Variants in ZFHX3 observed in about 807,000 individuals in gnomAD.
ZFHX3 encodes the protein zinc finger homeobox protein 3.
In ZFHX3, 42 loss-of-function variants were observed where a neutral mutation model predicts 279.1. The observed-to-expected ratio is 0.15, with a 90% CI of 0.12 to 0.19. ZFHX3 has a LOEUF of 0.19. Among genes scored for constraint, ZFHX3 ranks in the 10% least tolerant of loss-of-function variants. The pLI is 1.00. For synonymous variants in ZFHX3, 2,293 were observed against 1,957.8 expected (o/e 1.17, Z -4.52); for missense variants, 4,981 against 4,754.0 (o/e 1.05, Z -1.40).
At chr16:73,009,610 A>AG (rs1963840563) in intron 1 of ZFHX3, among the ~76,000 whole-genome samples, 1 of 152,228 alleles carries the variant, frequency 6.6e-6, no homozygotes, top group Non-Finnish European at 1.5e-5. Context: ...TACCAAACTT[A>AG]GGCATTCAGA....
At chr16:73,267,363 C>T (rs1278207447) in intron 4 of ZFHX3, among the ~76,000 whole-genome samples, 1 of 152,114 alleles carries the variant, frequency 6.6e-6, no homozygotes, top group Non-Finnish European at 1.5e-5. Flanking sequence ...CCACCCCCAA[C>T]TATGATGGAA....
At chr16:73,439,660 A>G (rs1023998814) in intron 3 of ZFHX3, among the ~76,000 whole-genome samples, 4 of 152,032 alleles carry the variant, frequency 2.6e-5, no homozygotes, top group African/African-American at 9.7e-5. Context: ...CTCCTGGAAA[A>G]TGGAGGCTGT....
At chr16:72,789,225 TGTATTCTAATGAA>T (rs1369348194) in intron 9 of ZFHX3, 1 of 182,370 alleles carries the variant, frequency 5.5e-6, no homozygotes, top group East Asian at 1.4e-4. Flanking sequence ...TGGACAACCT[TGTATTCTAATGAA>T]GATTCAGTCC....
intron 3 of ZFHX3, among the ~76,000 whole-genome samples, chr16:73,434,224 G>A (rs1230677439): frequency 1.4e-5 from 2 of 146,640 alleles, no homozygotes; most frequent in East Asian, 4.1e-4. Flanking sequence ...TTGAAAATAT[G>A]TGCTGCGACA....
intron 1 of ZFHX3, among the ~76,000 whole-genome samples, chr16:73,857,480 T>C (rs1961764771): frequency 6.6e-6 from 1 of 152,188 alleles, no homozygotes; most frequent in South Asian, 2.1e-4. Context: ...AGACTACAGT[T>C]TCCCCTTTGT....
rs1324024632 is a variant in ZFHX3 at position 72,783,133 on chromosome 16, A to AAAAC, written c.*4027_*4030dup. ...AAAGCTAACAAGACTACATTATAGA[A>AAAAC]AAACACCAAGAACATCATTTTTGGT... On this transcript the variant is annotated 3_prime_UTR_variant, in exon 10 of 10. Transcript: ENST00000268489. 1.3e-5 allele frequency: 2 copies of AAAAC among 152,598 alleles called. No homozygotes were observed. The highest frequency in any genetic ancestry group is 4.8e-5 in the African/African-American group (2 of 41,438). 9.5% of individuals were successfully genotyped at this position (152,598 alleles called of 1,614,324 possible). A position where few individuals can be genotyped will look rare whatever the true frequency, so the allele number is the denominator to read the frequency against.
chr16:73,648,040 G>A (rs1050923829), intron 2 of ZFHX3, among the ~76,000 whole-genome samples: 19 of 152,174 alleles, frequency 1.2e-4, no homozygotes, highest in Non-Finnish European at 1.0e-4. Context: ...ATGCACTGTT[G>A]ATGAGAATGT....
At chr16:73,573,339 G>C (rs1033548760) in intron 2 of ZFHX3, among the ~76,000 whole-genome samples, 2 of 152,154 alleles carry the variant, frequency 1.3e-5, no homozygotes, top group Non-Finnish European at 2.9e-5. Flanking sequence ...GAACTTCTTG[G>C]TGATGGTCAA....
Position 72,794,590 on chromosome 16 carries a change from T to C in ZFHX3, c.8092A>G (p.Lys2698Glu), listed in dbSNP as rs750087200. The C allele has an allele frequency of 6.2e-7, 1 of 1,614,190 alleles. No individual in the cohort carries two copies. The change falls in exon 9 of 10, where the codon AAA becomes GAA. Residue 2698 changes from lysine (K) to glutamate (E), a missense_variant. By Grantham distance (56) the Lys-to-Glu change is moderately conservative (BLOSUM62 1). Around this residue, in one of 7 missense-constraint regions of ZFHX3, gnomAD observed 744 missense variants for 701.3 expected, o/e 1.06. Transcript: ENST00000268489. This position sits in a 1 kb window ranked among gnomAD's most constrained non-coding sequence, Gnocchi z 4.2. The stretch of plus-strand genomic sequence containing the variant: ...GGGCCTACAGCCCGGAACTGTCCTT[T>C]CCTTTCCCGAGCTCGGGTGTTCTGA... ...WFQNTRARER[K>E]GQFRAVGPAQ...
chr16:73,088,499 T>C (rs1224691256), intron 8 of ZFHX3, among the ~76,000 whole-genome samples: 2 of 152,314 alleles, frequency 1.3e-5, no homozygotes, highest in African/African-American at 4.8e-5. Context: ...CATGATTGCA[T>C]GAAGCCTAGA....
chr16:72,879,360 C>T (rs7204991), intron 4 of ZFHX3, among the ~76,000 whole-genome samples: 8 of 152,154 alleles, frequency 5.3e-5, no homozygotes, highest in Admixed American at 5.2e-4. Context: ...GCACAAACAC[C>T]ACACACAAGC....
At chr16:73,120,650 CTTTTTT>C (rs1174733016) in intron 7 of ZFHX3, among the ~76,000 whole-genome samples, 1 of 110,728 alleles carries the variant, frequency 9.0e-6, no homozygotes, top group African/African-American at 4.0e-5. Flanking sequence ...TCCTCTCTAC[CTTTTTT>C]TTTTTTTTTT....
chr16:72,982,664 T>G (rs141650670), intron 1 of ZFHX3, among the ~76,000 whole-genome samples: 26 of 152,262 alleles, frequency 1.7e-4, no homozygotes, highest in Non-Finnish European at 3.2e-4. Flanking sequence ...AAGTCGTAAA[T>G]TTTTACATAG....
intron 4 of ZFHX3, among the ~76,000 whole-genome samples, chr16:73,312,857 T>A (rs1054175236): frequency 6.6e-6 from 1 of 152,228 alleles, no homozygotes; most frequent in Non-Finnish European, 1.5e-5. Flanking sequence ...CAAACATTTG[T>A]ATAATGCGTA....
intron 4 of ZFHX3, among the ~76,000 whole-genome samples, chr16:73,317,294 C>T (rs1395632743): frequency 3.5e-5 from 5 of 141,490 alleles, no homozygotes; most frequent in African/African-American, 1.0e-4. Context: ...GTGGGGGTGG[C>T]GGTGGTGGTG....
chr16:73,608,944 A>G (rs2052218455), intron 2 of ZFHX3: 1 of 152,180 alleles, frequency 6.6e-6, no homozygotes, highest in African/African-American at 2.4e-5. Flanking sequence ...TTTAGGTTCT[A>G]TCTTCCGTCT....
intron 3 of ZFHX3, among the ~76,000 whole-genome samples, chr16:73,348,943 AAC>A (rs1336878058): frequency 6.6e-6 from 1 of 152,214 alleles, no homozygotes; most frequent in Non-Finnish European, 1.5e-5. Context: ...ACTTCATTAA[AAC>A]ACAGTGGGAA....
intron 1 of ZFHX3, among the ~76,000 whole-genome samples, chr16:73,763,970 CA>C (rs2053899796): frequency 6.6e-6 from 1 of 152,030 alleles, no homozygotes; most frequent in African/African-American, 2.4e-5. Flanking sequence ...GTAGATCCTC[CA>C]AATAAGAACA....
intron 4 of ZFHX3, among the ~76,000 whole-genome samples, chr16:73,289,969 G>C: frequency 6.6e-6 from 1 of 151,444 alleles, no homozygotes; most frequent in African/African-American, 2.4e-5. Context: ...ATTCCAATAT[G>C]AAGATTATAA....
Sources: gnomAD v4.1 joint callset for allele counts (sites outside exome capture counted in the v4.1 genomes callset) on GRCh38, gnomAD v4.1.1 for gene constraint, gnomAD v4.1.1 regional missense constraint, Gnocchi (gnomAD v3.1) non-coding constraint, MANE v1.5 for transcripts, NCBI Gene and HGNC (gene_info 2026-07-23, HGNC 2026-07-21) for gene names.